SLIT3: variants seen among roughly 807,000 people sequenced by gnomAD.
SLIT3 encodes slit guidance ligand 3.
SLIT3 carries 68 observed loss-of-function variants against 184.0 expected under a neutral mutation model. That is an observed-to-expected ratio of 0.37 (90% CI 0.30 to 0.45). The LOEUF is 0.45. SLIT3 is among the 20% of genes least tolerant of loss of function. SLIT3 has a pLI of 1.00. For synonymous variants in SLIT3, 831 were observed against 828.6 expected (o/e 1.00, Z -0.05); for missense variants, 1,707 against 2,026.0 (o/e 0.84, Z 3.02).
rs369993839 is a variant in SLIT3 at position 168,685,070 on chromosome 5, C to A, written c.3555+617G>T. 5.3e-5 allele frequency among the ~76,000 whole-genome samples: 8 copies of A among 152,320 alleles called. No homozygotes were observed. In the East Asian group the frequency reaches 7.7e-4, roughly 15 times the overall value. Reference sequence around the variant, plus strand: ...GGTTCAAGCGATTCTCATGCCTCCGCCTCCCAATAGCTGGGATTACAGGCA... The same window carrying A: ...GGTTCAAGCGATTCTCATGCCTCCGACTCCCAATAGCTGGGATTACAGGCA... On this transcript the variant is annotated intron_variant, in intron 31 of 35. Coordinates refer to ENST00000519560, the MANE Select transcript of SLIT3 (RefSeq NM_003062.4).
chr5:168,927,775 T>C (rs1354563894), intron 4 of SLIT3, among the ~76,000 whole-genome samples: 1 of 152,230 alleles, frequency 6.6e-6, no homozygotes, highest in Non-Finnish European at 1.5e-5. Context: ...TCCTTGACCA[T>C]TGAGATTTTG....
chr5:169,088,001 T>G (rs1392268167), intron 4 of SLIT3, among the ~76,000 whole-genome samples: 1 of 152,326 alleles, frequency 6.6e-6, no homozygotes, highest in East Asian at 1.9e-4. Context: ...CTGGGCCACC[T>G]ATAGGCCAGG....
At chr5:169,293,291 G>C (rs1224772925) in intron 1 of SLIT3, among the ~76,000 whole-genome samples, 3 of 151,936 alleles carry the variant, frequency 2.0e-5, no homozygotes, top group Non-Finnish European at 4.4e-5. Flanking sequence ...TTTTTTAATG[G>C]AATAAATTGC....
chr5:168,751,441 TACAAGCATCACC>T (rs888493198), intron 18 of SLIT3, among the ~76,000 whole-genome samples: 4 of 152,206 alleles, frequency 2.6e-5, no homozygotes, highest in African/African-American at 4.8e-5. Context: ...CTGTGTGTTT[TACAAGCATCACC>T]ACATTCAATC....
intron 4 of SLIT3, among the ~76,000 whole-genome samples, chr5:168,899,071 A>G (rs1451308282): frequency 1.2e-5 from 1 of 83,308 alleles, no homozygotes; most frequent in Non-Finnish European, 3.5e-5. Context: ...AAGAAAGTAA[A>G]AATTCTGGCT....
chr5:169,234,146 A>G (rs1171836967), intron 3 of SLIT3, among the ~76,000 whole-genome samples: 1 of 152,186 alleles, frequency 6.6e-6, no homozygotes, highest in African/African-American at 2.4e-5. Flanking sequence ...TTTGTTGTTC[A>G]TGTCACAGCC....
chr5:169,263,346 A>C (rs1298028568), intron 1 of SLIT3, among the ~76,000 whole-genome samples: 1 of 152,016 alleles, frequency 6.6e-6, no homozygotes, highest in African/African-American at 2.4e-5. Context: ...TCTGAAAAAT[A>C]ATAAAAAGAC....
chr5:169,086,355 ACAAGTGTTGG>A (rs1361644684), intron 4 of SLIT3, among the ~76,000 whole-genome samples: 1 of 152,166 alleles, frequency 6.6e-6, no homozygotes, highest in East Asian at 1.9e-4. Context: ...AAAGCTTTTG[ACAAGTGTTGG>A]CCAGACTCCC....
intron 4 of SLIT3, among the ~76,000 whole-genome samples, chr5:168,900,599 G>A (rs1269050742): frequency 6.6e-6 from 1 of 152,058 alleles, no homozygotes; most frequent in Non-Finnish European, 1.5e-5. Flanking sequence ...TGGGAGATGG[G>A]AGTGAAACCC....
chr5:169,053,463 A>G (rs1378453027), intron 4 of SLIT3, among the ~76,000 whole-genome samples: 1 of 152,112 alleles, frequency 6.6e-6, no homozygotes, highest in Non-Finnish European at 1.5e-5. Context: ...TCTTTGGGCT[A>G]CTAAGATTGC....
chr5:168,981,551 G>T (rs1216563089), intron 4 of SLIT3, among the ~76,000 whole-genome samples: 1 of 152,120 alleles, frequency 6.6e-6, no homozygotes, highest in Non-Finnish European at 1.5e-5. Flanking sequence ...GACCTAATCA[G>T]CAGACACTGA....
intron 9 of SLIT3, among the ~76,000 whole-genome samples, chr5:168,798,659 A>G (rs1231462424): frequency 1.3e-5 from 2 of 152,076 alleles, no homozygotes; most frequent in African/African-American, 4.8e-5. Context: ...AGGCAGCAGG[A>G]ATTTGTCTGC....
At chr5:168,857,378 G>GT (rs748061805) in intron 5 of SLIT3, among the ~76,000 whole-genome samples, 59 of 105,456 alleles carry the variant, frequency 5.6e-4, no homozygotes, top group African/African-American at 1.5e-3. Flanking sequence ...TTTTGTTTTT[G>GT]TTTTGTTTTG....
chr5:169,083,077 G>A (rs1162087357), intron 4 of SLIT3, among the ~76,000 whole-genome samples: 2 of 152,198 alleles, frequency 1.3e-5, no homozygotes, highest in Non-Finnish European at 2.9e-5. Context: ...AGTTGCTGGT[G>A]AGAAGAAACA....
At chr5:168,961,150 C>T (rs764187373) in intron 4 of SLIT3, among the ~76,000 whole-genome samples, 7 of 152,260 alleles carry the variant, frequency 4.6e-5, no homozygotes, top group African/African-American at 7.2e-5. Flanking sequence ...CTAAAATATC[C>T]AGTGAGAGAC....
chr5:168,867,907 G>C (rs1759366528), intron 5 of SLIT3, among the ~76,000 whole-genome samples: 1 of 152,208 alleles, frequency 6.6e-6, no homozygotes, highest in Non-Finnish European at 1.5e-5. Context: ...TCACCCCAGT[G>C]ACTGGGAGGC....
chr5:168,793,049 T>C (rs1361443698), intron 10 of SLIT3, among the ~76,000 whole-genome samples: 1 of 152,242 alleles, frequency 6.6e-6, no homozygotes, highest in Non-Finnish European at 1.5e-5. Context: ...TATCTCATTA[T>C]GTATGTGAAA....
At chr5:168,689,456 A>G (rs1166646824) in intron 29 of SLIT3, among the ~76,000 whole-genome samples, 1 of 152,198 alleles carries the variant, frequency 6.6e-6, no homozygotes, top group Admixed American at 6.5e-5. Context: ...TCAGGCCCAG[A>G]CTGATTCACA....
At chr5:169,028,477 C>T (rs950361215) in intron 4 of SLIT3, among the ~76,000 whole-genome samples, 2 of 152,170 alleles carry the variant, frequency 1.3e-5, no homozygotes, top group African/African-American at 4.8e-5. Flanking sequence ...GGCATTGTGA[C>T]CTCCTAGGAT....
Sources: allele counts gnomAD v4.1 joint callset (sites outside exome capture counted in the v4.1 genomes callset), GRCh38; gene constraint gnomAD v4.1.1; transcripts MANE v1.5; gene names NCBI Gene and HGNC (gene_info 2026-07-23, HGNC 2026-07-21).